TRIP12: variants seen among roughly 807,000 people sequenced by gnomAD.
The protein encoded by TRIP12 is E3 ubiquitin-protein ligase TRIP12.
In TRIP12, 25 loss-of-function variants were observed where a neutral mutation model predicts 244.2. That is an observed-to-expected ratio of 0.10 (90% CI 0.07 to 0.14). The LOEUF is 0.14. Among genes scored for constraint, TRIP12 ranks in the 10% least tolerant of loss-of-function variants. TRIP12 has a pLI of 1.00. For synonymous variants in TRIP12, 905 were observed against 873.1 expected (o/e 1.04, Z -0.64); for missense variants, 1,677 against 2,486.4 (o/e 0.67, Z 6.92).
chr2:229,890,739 G>A (rs12478483), intron 1 of TRIP12, among the ~76,000 whole-genome samples: 21,597 of 151,940 alleles, frequency 0.14, 1,611 homozygotes, highest in Admixed American at 0.2. Flanking sequence ...AGAATGTCTC[G>A]AATATTTTTC....
chr2:229,792,144 G>A lies in TRIP12; in HGVS notation c.4215+9C>T. On this transcript the variant is annotated intron_variant, in intron 28 of 41. Transcript: ENST00000675903. The stretch of plus-strand genomic sequence containing the variant: ...GTACATTATACATGGTGGGAATATA[G>A]TACCTTACCAGAGACTCATCTATTT... The A allele has an allele frequency of 6.2e-7, 1 of 1,614,010 alleles. No homozygotes were observed. Among genetic ancestry groups the A allele is most frequent in the Non-Finnish European group, 8.5e-7 (1 of 1,179,968 alleles).
At chr2:229,845,193 C>T (rs746896762) in intron 4 of TRIP12, among the ~76,000 whole-genome samples, 16 of 152,154 alleles carry the variant, frequency 1.1e-4, no homozygotes, top group Non-Finnish European at 2.1e-4. Context: ...CTGGATCCAG[C>T]CAAGCCTGAA....
At chr2:229,829,153 A>T (rs775837527) in intron 8 of TRIP12, 40 bp downstream of exon 8, 2 of 1,573,116 alleles carry the variant, frequency 1.3e-6, no homozygotes, top group South Asian at 1.1e-5. Context: ...GCAGTTGGCT[A>T]ATTATTGAGG....
At chr2:229,770,401 G>C (rs1361961085) in intron 39 of TRIP12, among the ~76,000 whole-genome samples, 3 of 152,184 alleles carry the variant, frequency 2.0e-5, no homozygotes, top group Non-Finnish European at 4.4e-5. Flanking sequence ...GTGACAAGCA[G>C]TGCCTACAAG....
chr2:229,839,627 C>T (rs981286323), intron 5 of TRIP12, among the ~76,000 whole-genome samples: 11 of 150,710 alleles, frequency 7.3e-5, no homozygotes, highest in Non-Finnish European at 1.2e-4. Context: ...TGCAGTGAGC[C>T]GAGATTGTGC....
chr2:229,901,673 G>A (rs989958986), intron 1 of TRIP12, among the ~76,000 whole-genome samples: 2 of 151,124 alleles, frequency 1.3e-5, no homozygotes, highest in African/African-American at 4.9e-5. Flanking sequence ...CCCTACTTCA[G>A]AACAGTTTTT....
rs893802116 is a variant in TRIP12, at chr2:229,902,467, T to C, written c.-50+19413A>G. Among the ~76,000 whole-genome samples the C allele has an allele frequency of 2.0e-5, 3 of 152,232 alleles. No individual in the cohort carries two copies. The South Asian group carries it at 6.2e-4, about 32-fold the overall frequency. On this transcript the variant is annotated intron_variant, in intron 1 of 41. Transcript: ENST00000675903. The stretch of plus-strand genomic sequence containing the variant: ...AGCATTATTGGCGGTACCTTTAAGT[T>C]TGTACCAAAAGAAATCACTGATATT...
At position 229,811,010 on chromosome 2, in the gene TRIP12, A is replaced by G. The variant is rs1365034538; in HGVS notation, c.2091T>C (p.Leu697=). The G allele has an allele frequency of 6.2e-7, 1 of 1,614,118 alleles. No homozygotes were observed. Among genetic ancestry groups the G allele is most frequent in the South Asian group, 1.1e-5 (1 of 91,074 alleles). The change falls in exon 15 of 42, where the codon CTT becomes CTC. Residue 697 remains leucine, a synonymous_variant. Transcript: ENST00000675903. ...CTACCAACAGCTGTTGAACATTTGT[A>G]AGCAGATCTTTGGAAGCAACCTGCT... ...LLQQVASKDL[L]TNVQQLLVVT...
chr2:229,791,822 T>C, intron 29 of TRIP12, 44 bp downstream of exon 29: 6 of 1,598,020 alleles, frequency 3.8e-6, no homozygotes, highest in Non-Finnish European at 5.1e-6. Flanking sequence ...CAAGAACAGT[T>C]TCAAAGTTTA....
intron 41 of TRIP12, 120 bp downstream of exon 41, chr2:229,768,496 T>C (rs2032791109): frequency 2.4e-6 from 2 of 830,530 alleles, no homozygotes; most frequent in Admixed American, 2.8e-5. Flanking sequence ...ATAATGATAC[T>C]GGAATAACTA....
intron 4 of TRIP12, among the ~76,000 whole-genome samples, chr2:229,847,428 G>A (rs1418336313): frequency 2.0e-5 from 3 of 152,130 alleles, no homozygotes; most frequent in Non-Finnish European, 4.4e-5. Flanking sequence ...TCCCTTCTGG[G>A]TAAAGACAGA....
chr2:229,878,128 A>G (rs990403802), intron 2 of TRIP12, among the ~76,000 whole-genome samples: 9 of 152,192 alleles, frequency 5.9e-5, no homozygotes, highest in Non-Finnish European at 1.3e-4. Context: ...TTAACAAAAG[A>G]CACATAGCTA....
intron 8 of TRIP12, among the ~76,000 whole-genome samples, chr2:229,822,782 C>CAAATGTTTTAT (rs2050416876): frequency 6.6e-6 from 1 of 151,970 alleles, no homozygotes; most frequent in African/African-American, 2.4e-5. Flanking sequence ...AATGAAAAGA[C>CAAATGTTTTAT]AAATGTTTTA....
At chr2:229,877,527 C>T (rs1001323783) in intron 2 of TRIP12, among the ~76,000 whole-genome samples, 3 of 152,106 alleles carry the variant, frequency 2.0e-5, no homozygotes, top group South Asian at 2.1e-4. Flanking sequence ...AGTAAGACTC[C>T]GTCTCAAAAA....
At chr2:229,872,010 GGAGT>G (rs1181783536) in intron 2 of TRIP12, among the ~76,000 whole-genome samples, 2 of 146,488 alleles carry the variant, frequency 1.4e-5, no homozygotes, top group Non-Finnish European at 3.0e-5. Context: ...AATGATGAAA[GGAGT>G]GATTACATAT....
chr2:229,871,647 C>T (rs1235902347), intron 2 of TRIP12, among the ~76,000 whole-genome samples: 1 of 152,168 alleles, frequency 6.6e-6, no homozygotes, highest in Non-Finnish European at 1.5e-5. Context: ...GCCCACAGAA[C>T]CATAAGCCAA....
chr2:229,839,669 A>C (rs1030594086), intron 5 of TRIP12, among the ~76,000 whole-genome samples: 1 of 149,710 alleles, frequency 6.7e-6, no homozygotes, highest in African/African-American at 2.5e-5. Context: ...ACAGAGTGAG[A>C]CTCCATCTCA....
intron 2 of TRIP12, among the ~76,000 whole-genome samples, chr2:229,868,142 T>C (rs1228274871): frequency 6.6e-6 from 1 of 152,228 alleles, no homozygotes; most frequent in Non-Finnish European, 1.5e-5. Flanking sequence ...GCAGTAAGAT[T>C]TACTATTGCT....
chr2:229,767,507 T>C lies in TRIP12; in HGVS notation c.*47A>G. On this transcript the variant is annotated 3_prime_UTR_variant, in exon 42 of 42. Coordinates refer to ENST00000675903, the MANE Select transcript of TRIP12 (RefSeq NM_001348323.3). ...GATAACATTAGAAAAGAAATCATGA[T>C]TTGTTTCTTTTGCTGTAACAGGCAG... is the stretch of plus-strand genomic sequence containing the variant. 6.5e-7 allele frequency: 1 copy of C among 1,530,646 alleles called. No homozygotes were observed. The highest frequency in any genetic ancestry group is 8.8e-7 in the Non-Finnish European group (1 of 1,137,276). 94.8% of individuals were successfully genotyped at this position (1,530,646 alleles called of 1,614,324 possible). A position where few individuals can be genotyped will look rare whatever the true frequency, so the allele number is the denominator to read the frequency against.
Sources: gnomAD v4.1 joint callset for allele counts (sites outside exome capture counted in the v4.1 genomes callset) on GRCh38, gnomAD v4.1.1 for gene constraint, MANE v1.5 for transcripts, NCBI Gene and HGNC (gene_info 2026-07-23, HGNC 2026-07-21) for gene names.